The following PRPF18 variants were observed in gnomAD, a reference collection of about 807,000 sequenced individuals.
PRPF18 encodes the protein pre-mRNA-splicing factor 18.
PRPF18 carries 38 observed loss-of-function variants against 46.5 expected under a neutral mutation model. The observed-to-expected ratio is 0.82, with a 90% CI of 0.63 to 1.07. The LOEUF (loss-of-function observed/expected upper bound fraction) is 1.07, where lower values mean the gene tolerates loss of function less well. Among genes scored for constraint, PRPF18 ranks in the 50% least tolerant of loss-of-function variants. The probability of loss-of-function intolerance (pLI) is 0.00; values close to 1 mark genes in which losing one functional copy is unlikely to be tolerated. For synonymous variants in PRPF18, 152 were observed against 146.7 expected (o/e 1.04, Z -0.26); for missense variants, 263 against 410.0 (o/e 0.64, Z 3.10).
At chr10:13,592,320 C>A (rs181146985) in intron 1 of PRPF18, 30 of 369,950 alleles carry the variant, frequency 8.1e-5, no homozygotes, top group Admixed American at 5.7e-4. Flanking sequence ...TTTTCACCCA[C>A]CATCTTACAA....
At chr10:13,610,905 A>G (rs2080260070) in intron 5 of PRPF18, among the ~76,000 whole-genome samples, 1 of 152,198 alleles carries the variant, frequency 6.6e-6, no homozygotes, top group South Asian at 2.1e-4. Flanking sequence ...GATTTTTGCT[A>G]TAGTGCTGCT....
At chr10:13,651,670 CTCAAAACAAAACATACTCTGGG>C in the PRPF18 span, 5 of 529,020 alleles carry the variant, frequency 9.5e-6, no homozygotes, top group African/African-American at 9.6e-5. Context: ...AAGACTCTGT[CTCAAAACAAAACATACTCTGGG>C]GGTCTTTTCT....
chr10:13,652,336 C>G, the PRPF18 span: 2 of 274,254 alleles, frequency 7.3e-6, no homozygotes, highest in African/African-American at 2.2e-5. Flanking sequence ...TGCATAGGAC[C>G]CTGAGGAGGG....
chr10:13,652,681 C>T, the PRPF18 span, among the ~76,000 whole-genome samples: 3 of 152,186 alleles, frequency 2.0e-5, no homozygotes, highest in East Asian at 1.9e-4. Flanking sequence ...ACAGGAACAC[C>T]GAGCTGGGGC....
At chr10:13,650,562 G>A in the PRPF18 span, among the ~76,000 whole-genome samples, 23 of 152,216 alleles carry the variant, frequency 1.5e-4, no homozygotes, top group South Asian at 1.0e-3. Flanking sequence ...CTCCCATACC[G>A]GGGGAGAAAA....
chr10:13,597,443 T>G lies in PRPF18; in HGVS notation c.67-15T>G. 1 of 1,545,166 alleles carries G rather than the reference T, an allele frequency of 6.5e-7. No individual in the cohort carries two copies. Among genetic ancestry groups the G allele is most frequent in the South Asian group, 1.2e-5 (1 of 83,726 alleles). On this transcript the variant is annotated splice_polypyrimidine_tract_variant and intron_variant, in intron 1 of 9. Transcript: ENST00000378572. ...TCAAGGATATATTATTGACATAATT[T>G]ATTTTCTTTAATAGGAAAATAAAAA...
the PRPF18 span, among the ~76,000 whole-genome samples, chr10:13,636,238 A>G: frequency 1.3e-5 from 2 of 152,208 alleles, no homozygotes; most frequent in Admixed American, 1.3e-4. Flanking sequence ...CCTGGGCAAC[A>G]TGGTGAGACC....
chr10:13,615,743 T>C (rs1245858133), intron 8 of PRPF18, among the ~76,000 whole-genome samples: 1 of 152,078 alleles, frequency 6.6e-6, no homozygotes, highest in African/African-American at 2.4e-5. Flanking sequence ...TTTGTCTTCA[T>C]TGGTTTCTGT....
rs144317537 is a variant in PRPF18, at chr10:13,615,293, A to G, written c.793-1105A>G. ...CAGAACTAAGTGCAAGTGCAAGCTT[A>G]TTTTGTATAAACTACAGAAAGAACC... On this transcript the variant is annotated intron_variant, in intron 8 of 9. Transcript: ENST00000378572. Among the ~76,000 whole-genome samples the G allele has an allele frequency of 2.8e-3, 419 of 152,324 alleles. 4 individuals carry two copies. The highest frequency in any genetic ancestry group is 0.01 in the Middle Eastern group (3 of 294).
At chr10:13,648,822 T>A in the PRPF18 span, 2 of 152,218 alleles carry the variant, frequency 1.3e-5, no homozygotes, top group African/African-American at 4.8e-5. Context: ...ACAAACATGA[T>A]CTGGGTCTGT....
At chr10:13,613,100 C>G (rs2080295302) in intron 6 of PRPF18, among the ~76,000 whole-genome samples, 1 of 152,146 alleles carries the variant, frequency 6.6e-6, no homozygotes, top group Non-Finnish European at 1.5e-5. Context: ...AGAATTTCCT[C>G]TTTGAGTGAT....
At chr10:13,597,594 G>A (rs375598801) in intron 2 of PRPF18, 59 bp downstream of exon 2, 136 of 1,597,460 alleles carry the variant, frequency 8.5e-5, no homozygotes, top group Non-Finnish European at 1.1e-4. Flanking sequence ...TTATACAGCT[G>A]TTGTTAAATG....
At chr10:13,646,124 C>T in the PRPF18 span, 3 of 152,566 alleles carry the variant, frequency 2.0e-5, no homozygotes, top group African/African-American at 4.8e-5. Context: ...AAGACTTCCT[C>T]GCCTTTACCG....
chr10:13,596,795 T>C (rs1213346433), intron 1 of PRPF18, among the ~76,000 whole-genome samples: 1 of 152,132 alleles, frequency 6.6e-6, no homozygotes, highest in Non-Finnish European at 1.5e-5. Context: ...GTCGAAGTTG[T>C]GGCCTTGATT....
the PRPF18 span, chr10:13,646,050 A>G: frequency 6.6e-6 from 1 of 151,898 alleles, no homozygotes; most frequent in South Asian, 2.1e-4. Flanking sequence ...AGTACCCTCT[A>G]CGACTCCCAC....
chr10:13,631,302 C>G (rs1158352628), downstream of PRPF18: 1 of 152,332 alleles, frequency 6.6e-6, no homozygotes, highest in Non-Finnish European at 1.5e-5. Flanking sequence ...GGCCTCTGTT[C>G]ACATGGCAGC....
At chr10:13,635,982 T>C in the PRPF18 span, among the ~76,000 whole-genome samples, 10 of 152,226 alleles carry the variant, frequency 6.6e-5, no homozygotes. Flanking sequence ...GAGACGTCCA[T>C]AGAAGAACCG....
intron 9 of PRPF18, among the ~76,000 whole-genome samples, chr10:13,623,164 G>A (rs2080444919): frequency 6.6e-6 from 1 of 151,984 alleles, no homozygotes; most frequent in African/African-American, 2.4e-5. Flanking sequence ...TTGCGCCACT[G>A]CACTCCAGCC....
At chr10:13,644,645 C>T in the PRPF18 span, 1 of 152,356 alleles carries the variant, frequency 6.6e-6, no homozygotes, top group South Asian at 2.1e-4. Flanking sequence ...AGCTACTATG[C>T]ATGATGTAGA....
Sources: allele counts gnomAD v4.1 joint callset (sites outside exome capture counted in the v4.1 genomes callset), GRCh38; gene constraint gnomAD v4.1.1; transcripts MANE v1.5; gene names NCBI Gene and HGNC (gene_info 2026-07-23, HGNC 2026-07-21).